SMAD3: variants seen among roughly 807,000 people sequenced by gnomAD.
The protein encoded by SMAD3 is MAD homolog 3.
In SMAD3, 12 loss-of-function variants were observed where a neutral mutation model predicts 51.8. The observed-to-expected ratio is 0.23, with a 90% CI of 0.15 to 0.38. The LOEUF (loss-of-function observed/expected upper bound fraction) is 0.38. SMAD3 is among the 10% of genes least tolerant of loss of function. The pLI, the probability that SMAD3 is intolerant of heterozygous loss-of-function variation, is 1.00. For synonymous variants in SMAD3, 238 were observed against 227.7 expected (o/e 1.05, Z -0.41); for missense variants, 294 against 565.6 (o/e 0.52, Z 4.87).
intron 1 of SMAD3, among the ~76,000 whole-genome samples, chr15:67,158,642 G>A (rs2140285736): frequency 6.6e-6 from 1 of 152,366 alleles, no homozygotes; most frequent in South Asian, 2.1e-4. Flanking sequence ...CATGCACTTT[G>A]CCTCTCCAAG....
Position 67,107,668 on chromosome 15 carries a change from T to C in SMAD3, c.206+41308T>C, listed in dbSNP as rs1960909719. 2.6e-5 allele frequency among the ~76,000 whole-genome samples: 4 copies of C among 152,192 alleles called. No individual in the cohort carries two copies. The South Asian group carries it at 8.3e-4, about 32-fold the overall frequency. ...CTGTGGTTATTGCATGGACAGGGCCTCCCTCTGTCCCTCCACTTCCCTTCC... is the reference window on the plus strand; with the variant it reads ...CTGTGGTTATTGCATGGACAGGGCCCCCCTCTGTCCCTCCACTTCCCTTCC... On this transcript the variant is annotated intron_variant, in intron 1 of 8. Transcript: ENST00000327367.
intron 1 of SMAD3, among the ~76,000 whole-genome samples, chr15:67,131,645 A>T (rs1051973180): frequency 3.3e-5 from 5 of 151,942 alleles, no homozygotes; most frequent in African/African-American, 1.2e-4. Context: ...GAAGCTAGGG[A>T]TTTCAGTCCC....
chr15:67,127,280 CCT>C (rs1961412645), intron 1 of SMAD3, among the ~76,000 whole-genome samples: 1 of 152,188 alleles, frequency 6.6e-6, no homozygotes, highest in African/African-American at 2.4e-5. Context: ...CTGTCTCCTC[CCT>C]CTGTTTCTGC....
chr15:67,157,634 C>T (rs1403508767), intron 1 of SMAD3, among the ~76,000 whole-genome samples: 1 of 152,226 alleles, frequency 6.6e-6, no homozygotes, highest in Non-Finnish European at 1.5e-5. Context: ...TGTGTTGTCC[C>T]ACAGATGGCT....
chr15:67,174,917 G>T (rs567605049), intron 5 of SMAD3, among the ~76,000 whole-genome samples: 1 of 152,356 alleles, frequency 6.6e-6, no homozygotes, highest in African/African-American at 2.4e-5. Flanking sequence ...AGCCACTTCT[G>T]GTAAGGGGCA....
intron 1 of SMAD3, among the ~76,000 whole-genome samples, chr15:67,117,892 G>A (rs914691447): frequency 1.3e-5 from 2 of 152,176 alleles, no homozygotes; most frequent in African/African-American, 4.8e-5. Flanking sequence ...AGGAGTTCAA[G>A]ACCAGCCTGG....
At chr15:67,098,866 A>G (rs1427785912) in intron 1 of SMAD3, 1 of 701,542 alleles carries the variant, frequency 1.4e-6, no homozygotes, top group East Asian at 2.7e-5. Flanking sequence ...GTGGGAGGGC[A>G]TACATGGATG....
At chr15:67,123,660 CAGAT>C (rs776625572) in intron 1 of SMAD3, among the ~76,000 whole-genome samples, 8 of 152,238 alleles carry the variant, frequency 5.3e-5, no homozygotes, top group Non-Finnish European at 8.8e-5. Context: ...AGGAGGCACT[CAGAT>C]AGACGGGATG....
intron 8 of SMAD3, 152 bp downstream of exon 8, chr15:67,187,661 A>C (rs1963257302): frequency 1.0e-6 from 1 of 978,414 alleles, no homozygotes; most frequent in Non-Finnish European, 1.6e-6. Flanking sequence ...CCTGGCAGGC[A>C]GGAGGGGCCG....
chr15:67,149,282 A>T (rs1000762408), intron 1 of SMAD3, among the ~76,000 whole-genome samples: 1 of 152,124 alleles, frequency 6.6e-6, no homozygotes, highest in Non-Finnish European at 1.5e-5. Context: ...TTGAGTTTCT[A>T]TGCCTGTAAA....
chr15:67,136,743 G>C (rs1241665849), intron 1 of SMAD3, among the ~76,000 whole-genome samples: 3 of 152,206 alleles, frequency 2.0e-5, no homozygotes, highest in African/African-American at 7.2e-5. Context: ...AACACATGGA[G>C]AAGTAAAGAG....
chr15:67,131,501 A>C (rs1348419510), intron 1 of SMAD3, among the ~76,000 whole-genome samples: 1 of 152,188 alleles, frequency 6.6e-6, no homozygotes, highest in Non-Finnish European at 1.5e-5. Flanking sequence ...CTGTTGCTGA[A>C]TGGTGGCTGA....
chr15:67,084,806 A>G (rs897442790), intron 1 of SMAD3, among the ~76,000 whole-genome samples: 1 of 152,210 alleles, frequency 6.6e-6, no homozygotes, highest in African/African-American at 2.4e-5. Flanking sequence ...CTGCATTCCA[A>G]CCGTAGTGCC....
At chr15:67,171,142 A>G (rs1318330037) in intron 5 of SMAD3, among the ~76,000 whole-genome samples, 3 of 152,238 alleles carry the variant, frequency 2.0e-5, no homozygotes, top group Non-Finnish European at 4.4e-5. Flanking sequence ...ATGTTTGTGC[A>G]TCAGGCATAT....
chr15:67,171,095 A>C (rs1962739378), intron 5 of SMAD3, among the ~76,000 whole-genome samples: 1 of 152,084 alleles, frequency 6.6e-6, no homozygotes, highest in Non-Finnish European at 1.5e-5. Flanking sequence ...TAATCCCACC[A>C]CCCTAACATA....
chr15:67,125,988 A>C, intron 1 of SMAD3: 1 of 985,474 alleles, frequency 1.0e-6, no homozygotes, highest in Non-Finnish European at 1.2e-6. Context: ...CGTTTGAGTA[A>C]GAGTTATCTT....
At chr15:67,167,278 T>A (rs1962617665) in intron 4 of SMAD3, among the ~76,000 whole-genome samples, 1 of 152,134 alleles carries the variant, frequency 6.6e-6, no homozygotes, top group African/African-American at 2.4e-5. Context: ...GACAGCCTGG[T>A]GCATTCTGGG....
At chr15:67,133,582 T>G (rs921125840) in intron 1 of SMAD3, among the ~76,000 whole-genome samples, 2 of 152,092 alleles carry the variant, frequency 1.3e-5, no homozygotes, top group African/African-American at 4.8e-5. Flanking sequence ...TGAATGTAGG[T>G]GTAGTTCCTT....
chr15:67,123,188 CAAAAAAA>C (rs34458678), intron 1 of SMAD3, among the ~76,000 whole-genome samples: 1 of 93,792 alleles, frequency 1.1e-5, no homozygotes, highest in Non-Finnish European at 2.1e-5. Flanking sequence ...GACCCTGTCT[CAAAAAAA>C]AAAAAAAAAA....
Sources: allele counts gnomAD v4.1 joint callset (sites outside exome capture counted in the v4.1 genomes callset), GRCh38; gene constraint gnomAD v4.1.1; transcripts MANE v1.5; gene names NCBI Gene and HGNC (gene_info 2026-07-23, HGNC 2026-07-21).